The following RAP1GDS1 variants were observed in gnomAD, a reference collection of about 807,000 sequenced individuals.
RAP1GDS1 encodes the protein RAP1, GTP-GDP dissociation stimulator 1.
A neutral mutation model predicts 71.1 loss-of-function variants in RAP1GDS1; 35 were observed. The observed-to-expected ratio is 0.49, with a 90% CI of 0.38 to 0.65. The LOEUF (loss-of-function observed/expected upper bound fraction) is 0.65. Ranked by LOEUF, RAP1GDS1 falls within the 30% of genes least tolerant of loss-of-function variation. The probability of loss-of-function intolerance (pLI) is 0.00; values close to 1 mark genes in which losing one functional copy is unlikely to be tolerated. For missense variants in RAP1GDS1, 663 were observed against 706.1 expected, an observed-to-expected ratio of 0.94 and a Z score of 0.69; for synonymous variants, 229 against 243.1, an observed-to-expected ratio of 0.94 and a Z score of 0.54.
chr4:98,335,388 C>G (rs951778706), intron 2 of RAP1GDS1, among the ~76,000 whole-genome samples: 3 of 152,064 alleles, frequency 2.0e-5, no homozygotes, highest in Non-Finnish European at 4.4e-5. Context: ...TTGCAGTCTT[C>G]TGTGATAGTT....
At chr4:98,363,139 T>C (rs966864753) in intron 4 of RAP1GDS1, among the ~76,000 whole-genome samples, 1 of 152,026 alleles carries the variant, frequency 6.6e-6, no homozygotes, top group African/African-American at 2.4e-5. Context: ...TAAGCTGAGG[T>C]CTGGAAAATG....
At chr4:98,328,594 T>G (rs769348586) in intron 2 of RAP1GDS1, among the ~76,000 whole-genome samples, 1 of 152,362 alleles carries the variant, frequency 6.6e-6, no homozygotes, top group South Asian at 2.1e-4. Flanking sequence ...AGAACTATTT[T>G]AAAACAATGC....
At chr4:98,293,298 T>C (rs990168966) in intron 1 of RAP1GDS1, 110 bp from the exon 2 acceptor site, 1 of 682,802 alleles carries the variant, frequency 1.5e-6, no homozygotes, top group African/African-American at 1.8e-5. Flanking sequence ...TGGAGGTTAA[T>C]TTGCTATTAT....
chr4:98,386,435 G>A (rs1227720316), intron 5 of RAP1GDS1, among the ~76,000 whole-genome samples: 1 of 151,846 alleles, frequency 6.6e-6, no homozygotes, highest in Non-Finnish European at 1.5e-5. Flanking sequence ...ATTTTGCCAT[G>A]TAGAGACAAT....
rs1275828945 is a variant in RAP1GDS1 at position 98,404,738 on chromosome 4, C to T, written c.763+136C>T. 3.7e-6 allele frequency: 4 copies of T among 1,077,764 alleles called. No individual in the cohort carries two copies. In the Admixed American group the frequency reaches 9.3e-5, roughly 25 times the overall value. The allele number at this position is 1,077,764 out of a possible 1,614,324, so 66.8% of individuals were successfully genotyped here. A position where few individuals can be genotyped will look rare whatever the true frequency, so the allele number is the denominator to read the frequency against. On this transcript the variant is annotated intron_variant, in intron 7 of 14. Coordinates refer to ENST00000408927, the MANE Select transcript of RAP1GDS1 (RefSeq NM_001100427.2). ...TATGTTTTATTTTGCATATCTCTAA[C>T]TTTAGCTATGTTATCTACTCCATAG...
intron 12 of RAP1GDS1, among the ~76,000 whole-genome samples, chr4:98,428,020 A>G (rs938333500): frequency 6.6e-6 from 1 of 152,182 alleles, no homozygotes; most frequent in African/African-American, 2.4e-5. Context: ...ACACAGACCA[A>G]TTGAACAGAA....
chr4:98,336,446 A>G (rs990822312), intron 2 of RAP1GDS1, among the ~76,000 whole-genome samples: 3 of 152,150 alleles, frequency 2.0e-5, no homozygotes, highest in African/African-American at 7.2e-5. Context: ...CCCACATCCT[A>G]CATTATCCCT....
Position 98,441,944 on chromosome 4 carries a change from T to C in RAP1GDS1, c.1697-46T>C, listed in dbSNP as rs201712053. ...TTTTGGTATATGTTTTGGATAGACT[T>C]AGAACAACCTAACAGAATCATATCT... is the stretch of plus-strand genomic sequence containing the variant. On this transcript the variant is annotated intron_variant, in intron 14 of 14. Coordinates refer to ENST00000408927, the MANE Select transcript of RAP1GDS1 (RefSeq NM_001100427.2). The C allele has an allele frequency of 2.1e-5, 34 of 1,602,254 alleles. No individual in the cohort carries two copies. The Admixed American group carries it at 5.6e-4, about 26-fold the overall frequency.
intron 4 of RAP1GDS1, among the ~76,000 whole-genome samples, chr4:98,353,128 T>C (rs561423397): frequency 6.6e-6 from 1 of 152,344 alleles, no homozygotes; most frequent in East Asian, 1.9e-4. Context: ...TATAATATAC[T>C]GTTCTACTAG....
At chr4:98,428,505 G>GA (rs970229941) in intron 12 of RAP1GDS1, among the ~76,000 whole-genome samples, 1 of 151,870 alleles carries the variant, frequency 6.6e-6, no homozygotes, top group East Asian at 1.9e-4. Context: ...AAACTAGCAA[G>GA]AAAAAAACTA....
intron 1 of RAP1GDS1, among the ~76,000 whole-genome samples, chr4:98,273,354 G>A (rs1199457923): frequency 6.6e-6 from 1 of 152,094 alleles, no homozygotes; most frequent in Non-Finnish European, 1.5e-5. Flanking sequence ...AAAAACTGCA[G>A]TTATGTTGCG....
chr4:98,371,990 G>A (rs1441400851), intron 4 of RAP1GDS1, among the ~76,000 whole-genome samples: 1 of 152,030 alleles, frequency 6.6e-6, no homozygotes, highest in Non-Finnish European at 1.5e-5. Context: ...TTCTGTGGTT[G>A]GCTTCAAATC....
At chr4:98,327,415 C>A (rs567058669) in intron 2 of RAP1GDS1, among the ~76,000 whole-genome samples, 5 of 152,160 alleles carry the variant, frequency 3.3e-5, no homozygotes, top group African/African-American at 1.2e-4. Context: ...AGTTGCTGGG[C>A]AGATGTCTTT....
At chr4:98,371,466 T>C (rs574674188) in intron 4 of RAP1GDS1, among the ~76,000 whole-genome samples, 1 of 152,104 alleles carries the variant, frequency 6.6e-6, no homozygotes, top group South Asian at 2.1e-4. Context: ...TCCCTGATAA[T>C]ACTGCTTATT....
chr4:98,349,985 C>T (rs1446815960), intron 3 of RAP1GDS1, among the ~76,000 whole-genome samples: 1 of 152,166 alleles, frequency 6.6e-6, no homozygotes, highest in Non-Finnish European at 1.5e-5. Context: ...TATCCAGAGA[C>T]TGACAGTGAC....
intron 1 of RAP1GDS1, among the ~76,000 whole-genome samples, chr4:98,274,261 A>C (rs1723891586): frequency 6.6e-6 from 1 of 151,124 alleles, no homozygotes; most frequent in African/African-American, 2.4e-5. Context: ...GAGCTCAAAA[A>C]AATCACAATA....
At chr4:98,330,988 T>C (rs1012252128) in intron 2 of RAP1GDS1, among the ~76,000 whole-genome samples, 6 of 152,146 alleles carry the variant, frequency 3.9e-5, no homozygotes, top group Non-Finnish European at 7.4e-5. Flanking sequence ...ATCACGCCAC[T>C]GCACTCCAGC....
intron 2 of RAP1GDS1, among the ~76,000 whole-genome samples, chr4:98,308,297 C>CTATATATATATATATATATATATA (rs779815305): frequency 1.8e-4 from 13 of 73,194 alleles, no homozygotes; most frequent in Non-Finnish European, 2.6e-4. Context: ...CACACACACA[C>CTATATATATATATATATATATATA]TATATATATA....
At chr4:98,329,314 GTAAA>G (rs751683289) in intron 2 of RAP1GDS1, among the ~76,000 whole-genome samples, 7 of 152,060 alleles carry the variant, frequency 4.6e-5, no homozygotes, top group Non-Finnish European at 7.4e-5. Context: ...GAACATTTAA[GTAAA>G]TAACTAATAG....
Sources: gnomAD v4.1 joint callset for allele counts (sites outside exome capture counted in the v4.1 genomes callset) on GRCh38, gnomAD v4.1.1 for gene constraint, MANE v1.5 for transcripts, NCBI Gene and HGNC (gene_info 2026-07-23, HGNC 2026-07-21) for gene names.